NFIL3: variants seen among roughly 807,000 people sequenced by gnomAD.
NFIL3 encodes the protein nuclear factor, interleukin 3 regulated.
A neutral mutation model predicts 10.0 loss-of-function variants in NFIL3; 5 were observed. The ratio of observed to expected loss-of-function variants is 0.50; its 90% CI spans 0.26 to 1.06. The LOEUF (loss-of-function observed/expected upper bound fraction) is 1.06. Ranked by LOEUF, NFIL3 falls within the 50% of genes least tolerant of loss-of-function variation. The pLI is 0.13. For synonymous variants in NFIL3, 202 were observed against 206.5 expected, an observed-to-expected ratio of 0.98 and a Z score of 0.19; for missense variants, 436 against 547.6, an observed-to-expected ratio of 0.80 and a Z score of 2.03.
upstream of NFIL3, among the ~76,000 whole-genome samples, chr9:91,428,288 C>G (rs1833890932): frequency 6.6e-6 from 1 of 152,050 alleles, no homozygotes; most frequent in South Asian, 2.1e-4. Context: ...GGCCTTTCTC[C>G]AGTCATTCAG....
chr9:91,424,703 C>T (rs1264685132), upstream of NFIL3, among the ~76,000 whole-genome samples: 3 of 152,214 alleles, frequency 2.0e-5, no homozygotes, highest in Non-Finnish European at 2.9e-5. Context: ...ATCTACCCAC[C>T]CCCGCCACGC....
At chr9:91,467,678 C>T in the NFIL3 span, among the ~76,000 whole-genome samples, 2 of 151,798 alleles carry the variant, frequency 1.3e-5, no homozygotes, top group African/African-American at 4.8e-5. Context: ...TAATGCTATC[C>T]CTCCCCCCAA....
rs1833525165 is a variant in NFIL3, at chr9:91,410,465, A to C, written c.270T>G (p.Ser90=). The C allele has an allele frequency of 6.2e-7, 1 of 1,614,178 alleles. No individual in the cohort carries two copies. Among genetic ancestry groups the C allele is most frequent in the Non-Finnish European group, 8.5e-7 (1 of 1,180,042 alleles). Residue 90 remains serine, a synonymous_variant, in exon 2 of 2, where the codon TCT becomes TCG. Transcript: ENST00000297689. This position sits in a 1 kb window ranked among gnomAD's most constrained non-coding sequence, Gnocchi z 5.7. The part of the protein sequence containing the change: ...RRKNNEAAKR[S]REKRRLNDLV... ...GGTCATTCAGTCGACGCTTCTCACG[A>C]GATCTTTTGGCAGCTTCATTATTTT...
At chr9:91,442,446 T>C in the NFIL3 span, among the ~76,000 whole-genome samples, 11 of 152,150 alleles carry the variant, frequency 7.2e-5, no homozygotes, top group African/African-American at 2.7e-4. Context: ...GAGTATTGCT[T>C]GTGTCTGCTG....
the NFIL3 span, among the ~76,000 whole-genome samples, chr9:91,477,703 A>G: frequency 2.0e-5 from 3 of 152,256 alleles, no homozygotes; most frequent in East Asian, 5.8e-4. Context: ...AGATAAAACT[A>G]ATAAAAATGT....
the NFIL3 span, among the ~76,000 whole-genome samples, chr9:91,476,176 T>TA: frequency 6.6e-6 from 1 of 152,222 alleles, no homozygotes; most frequent in Non-Finnish European, 1.5e-5. Context: ...TTCCTGATAC[T>TA]AAAAAACCAG....
In NFIL3 at chr9:91,414,615, A is replaced by G. The variant is rs1273851110; in HGVS notation, c.-172-3709T>C. ...TTTGAATTTCATGGCATGTCACTAT[A>G]AATCTGTGATTCTGCTCTCATCTGT... On this transcript the variant is annotated intron_variant, in intron 1 of 1. Transcript: ENST00000297689. 2.0e-5 allele frequency among the ~76,000 whole-genome samples: 3 copies of G among 152,320 alleles called. No individual in the cohort carries two copies. In the East Asian group the frequency reaches 5.8e-4, roughly 29 times the overall value.
chr9:91,474,462 C>T, the NFIL3 span, among the ~76,000 whole-genome samples: 1 of 152,100 alleles, frequency 6.6e-6, no homozygotes. Flanking sequence ...GGCTTCTGTT[C>T]CAGTATGTGG....
chr9:91,409,730 C>G lies in NFIL3; in HGVS notation c.1005G>C (p.Gln335His). Residue 335 changes from glutamine (Q) to histidine (H), a missense_variant, in exon 2 of 2, where the codon CAG becomes CAC. Gln to His is a conservative substitution (Grantham distance 24). Coordinates refer to ENST00000297689, the MANE Select transcript of NFIL3 (RefSeq NM_005384.3). ...CATTATCAAAGGCTTCTACTTTGATCTGCATGGCTTTGGCTTTGATCCGGA... is the reference window on the plus strand; with the variant it reads ...CATTATCAAAGGCTTCTACTTTGATGTGCATGGCTTTGGCTTTGATCCGGA... ...HKLRIKAKAM[Q>H]IKVEAFDNEF... 3 of 1,614,190 alleles carry G rather than the reference C, an allele frequency of 1.9e-6. No homozygotes were observed. In the South Asian group the frequency reaches 3.3e-5, roughly 18 times the overall value.
At chr9:91,472,639 A>T in the NFIL3 span, among the ~76,000 whole-genome samples, 1 of 152,056 alleles carries the variant, frequency 6.6e-6, no homozygotes, top group East Asian at 1.9e-4. Context: ...CTTCCTTGTG[A>T]TGGGTTCAAA....
the NFIL3 span, among the ~76,000 whole-genome samples, chr9:91,429,732 T>C: frequency 0.019 from 2,816 of 152,214 alleles, 96 homozygotes; most frequent in African/African-American, 0.064. Context: ...GATGCTGCTC[T>C]CAGGCGGTGC....
At chr9:91,468,607 T>C in the NFIL3 span, among the ~76,000 whole-genome samples, 1 of 152,238 alleles carries the variant, frequency 6.6e-6, no homozygotes, top group East Asian at 1.9e-4. Context: ...CATGAAGTCC[T>C]TGCCCATGCC....
At chr9:91,475,050 G>A in the NFIL3 span, among the ~76,000 whole-genome samples, 1 of 152,238 alleles carries the variant, frequency 6.6e-6, no homozygotes, top group African/African-American at 2.4e-5. Flanking sequence ...GCTGCTGTTA[G>A]TCAGGGGTTC....
the NFIL3 span, among the ~76,000 whole-genome samples, chr9:91,455,070 G>A: frequency 6.6e-6 from 1 of 152,124 alleles, no homozygotes; most frequent in East Asian, 1.9e-4. Context: ...TGAAATGAGG[G>A]GTTTGTGATA....
intron 1 of NFIL3, among the ~76,000 whole-genome samples, chr9:91,415,583 T>G (rs772621375): frequency 1.4e-4 from 22 of 152,148 alleles, no homozygotes; most frequent in Admixed American, 2.6e-4. Context: ...CTAAGTTACT[T>G]TGGGCGCAGT....
At chr9:91,454,233 CA>C in the NFIL3 span, among the ~76,000 whole-genome samples, 4,887 of 60,026 alleles carry the variant, frequency 0.081, 53 homozygotes, top group East Asian at 0.13. Flanking sequence ...GACTCTGTCT[CA>C]AAAAAAAAAA....
At chr9:91,429,464 C>G in the NFIL3 span, among the ~76,000 whole-genome samples, 1 of 152,174 alleles carries the variant, frequency 6.6e-6, no homozygotes, top group East Asian at 1.9e-4. Context: ...TCATTCATAA[C>G]CTTCCCTTGG....
chr9:91,468,622 T>G, the NFIL3 span, among the ~76,000 whole-genome samples: 1 of 152,222 alleles, frequency 6.6e-6, no homozygotes. Context: ...CATGCCTATG[T>G]CCTGAATGGT....
upstream of NFIL3, among the ~76,000 whole-genome samples, chr9:91,424,067 C>T: frequency 6.6e-6 from 1 of 151,146 alleles, no homozygotes. Context: ...AGGGCCACCG[C>T]CGTCCGAGCG....
Sources: allele counts gnomAD v4.1 joint callset (sites outside exome capture counted in the v4.1 genomes callset), GRCh38; gene constraint gnomAD v4.1.1; non-coding constraint Gnocchi (gnomAD v3.1); transcripts MANE v1.5; gene names NCBI Gene and HGNC (gene_info 2026-07-23, HGNC 2026-07-21).